NBDY: variants seen among roughly 807,000 people sequenced by gnomAD.
NBDY encodes the protein negative regulator of P-body association, also known as P-body dissociating protein.
chrX:56,788,267 A>G (rs2069741337), intron 2 of NBDY, among the ~76,000 whole-genome samples: 1 of 112,545 alleles, frequency 8.9e-6, no homozygotes, highest in Non-Finnish European at 1.9e-5. Flanking sequence ...ACATGGGAGA[A>G]GGCAGAGACC....
At chrX:56,763,924 G>A (rs759835207) in intron 2 of NBDY, among the ~76,000 whole-genome samples, 1 of 112,673 alleles carries the variant, frequency 8.9e-6, no homozygotes, top group African/African-American at 3.2e-5. Flanking sequence ...CGTTTGTGGA[G>A]CCATACTGCC....
chrX:56,755,083 C>A (rs1047483002), intron 2 of NBDY, among the ~76,000 whole-genome samples: 3 of 111,276 alleles, frequency 2.7e-5, no homozygotes, highest in African/African-American at 6.6e-5. Context: ...AACTGGCTAG[C>A]CATATGTAGA....
intron 2 of NBDY, among the ~76,000 whole-genome samples, chrX:56,811,419 G>A (rs2069886032): frequency 8.9e-6 from 1 of 112,291 alleles, no homozygotes; most frequent in Non-Finnish European, 1.9e-5. Flanking sequence ...GTCCCTGACT[G>A]GAACTGCTGC....
chrX:56,798,974 G>A (rs1336508324), intron 2 of NBDY, among the ~76,000 whole-genome samples: 5 of 112,227 alleles, frequency 4.5e-5, no homozygotes, highest in African/African-American at 6.5e-5. Context: ...GGCGTTTGTG[G>A]AGCCATAGTG....
intron 2 of NBDY, among the ~76,000 whole-genome samples, chrX:56,751,455 A>C (rs1307051167): frequency 1.8e-5 from 2 of 112,168 alleles, no homozygotes; most frequent in Non-Finnish European, 3.8e-5. Flanking sequence ...GTTGATTAGG[A>C]ATTTTAAAAA....
At chrX:56,815,163 A>C (rs1335907402) in intron 2 of NBDY, among the ~76,000 whole-genome samples, 1 of 111,847 alleles carries the variant, frequency 8.9e-6, no homozygotes, top group Non-Finnish European at 1.9e-5. Flanking sequence ...CTCTTTGATA[A>C]TGAAAATATT....
chrX:56,811,901 G>C (rs1398327392), intron 2 of NBDY, among the ~76,000 whole-genome samples: 1 of 112,270 alleles, frequency 8.9e-6, no homozygotes, highest in African/African-American at 3.2e-5. Flanking sequence ...GGGCACTGGA[G>C]TGAATCTCCT....
At chrX:56,797,841 CCCA>C (rs1437253993) in intron 2 of NBDY, among the ~76,000 whole-genome samples, 1 of 111,583 alleles carries the variant, frequency 9.0e-6, no homozygotes, top group African/African-American at 3.3e-5. Flanking sequence ...CACAAGAAAC[CCCA>C]CAACCAGAAA....
rs778878513 is a variant in NBDY at position 56,818,123 on chromosome X, TA to T, written c.*977del. The T allele has an allele frequency of 5.4e-5, 6 of 111,321 alleles. No homozygotes were observed. Among genetic ancestry groups the T allele is most frequent in the African/African-American group, 1.9e-4 (6 of 30,802 alleles). 9.2% of individuals were successfully genotyped at this position (111,321 alleles called of 1,213,427 possible). A position where few individuals can be genotyped will look rare whatever the true frequency, so the allele number is the denominator to read the frequency against. On this transcript the variant is annotated 3_prime_UTR_variant, in exon 3 of 3. Coordinates refer to ENST00000374922, the MANE Select transcript of NBDY (RefSeq NM_001348129.2). ...TAGACTATAATAATTTCCAGGGATA[TA>T]AAAAAATAAAGCTTCTACCTTTGAA... is the stretch of plus-strand genomic sequence containing the variant.
intron 2 of NBDY, among the ~76,000 whole-genome samples, chrX:56,753,618 G>A (rs981182058): frequency 9.0e-6 from 1 of 111,355 alleles, no homozygotes; most frequent in Non-Finnish European, 1.9e-5. Flanking sequence ...AGAGGAAGTG[G>A]GTCCTGGAAA....
chrX:56,732,148 A>G lies in NBDY; in HGVS notation c.*115A>G, dbSNP rs1459047714. ...GTGAAAACAATGAAGATTATTTACA[A>G]TGCTACCCTGCTTTTTCTGGTGTCC... On this transcript the variant is annotated 3_prime_UTR_variant, in exon 2 of 3. Coordinates refer to ENST00000374922, the MANE Select transcript of NBDY (RefSeq NM_001348129.2). The G allele has an allele frequency of 6.8e-6, 2 of 295,019 alleles. No individual in the cohort carries two copies. The highest frequency in any genetic ancestry group is 5.9e-6 in the Non-Finnish European group (1 of 169,726). 24.3% of individuals were successfully genotyped at this position (295,019 alleles called of 1,213,427 possible). A position where few individuals can be genotyped will look rare whatever the true frequency, so the allele number is the denominator to read the frequency against.
chrX:56,741,438 T>C (rs940139278), intron 2 of NBDY, among the ~76,000 whole-genome samples: 2 of 112,005 alleles, frequency 1.8e-5, no homozygotes, highest in Non-Finnish European at 3.8e-5. Context: ...ATTGTGGTTG[T>C]ACTAATTTAC....
intron 2 of NBDY, among the ~76,000 whole-genome samples, chrX:56,748,632 G>A: frequency 9.3e-6 from 1 of 107,222 alleles, no homozygotes; most frequent in African/African-American, 3.4e-5. Flanking sequence ...ATAGGATGAG[G>A]GGGAAACCTG....
At chrX:56,809,231 G>A (rs1348834487) in intron 2 of NBDY, among the ~76,000 whole-genome samples, 2 of 111,971 alleles carry the variant, frequency 1.8e-5, no homozygotes, top group African/African-American at 3.3e-5. Context: ...TGTATATTTT[G>A]TTGATTTGGG....
chrX:56,763,183 T>G (rs2069646932), intron 2 of NBDY, among the ~76,000 whole-genome samples: 1 of 112,591 alleles, frequency 8.9e-6, no homozygotes, highest in South Asian at 3.7e-4. Flanking sequence ...TGGAGCATCC[T>G]GGGTCAAGCT....
chrX:56,756,454 G>C (rs1297097434), intron 2 of NBDY, among the ~76,000 whole-genome samples: 3 of 100,779 alleles, frequency 3.0e-5, no homozygotes, highest in Non-Finnish European at 6.1e-5. Flanking sequence ...AAAAAAAAAA[G>C]TAACACAATT....
chrX:56,744,526 C>CA (rs1043924461), intron 2 of NBDY, among the ~76,000 whole-genome samples: 2 of 110,767 alleles, frequency 1.8e-5, no homozygotes, highest in African/African-American at 3.3e-5. Flanking sequence ...AATGTTCTGC[C>CA]AAAAAATCAA....
At chrX:56,745,316 TG>T (rs2146716197) in intron 2 of NBDY, among the ~76,000 whole-genome samples, 1 of 110,951 alleles carries the variant, frequency 9.0e-6, no homozygotes, top group South Asian at 3.9e-4. Flanking sequence ...CAGTTAATCA[TG>T]GGTAACTGAA....
At chrX:56,749,803 C>T (rs2069575366) in intron 2 of NBDY, among the ~76,000 whole-genome samples, 1 of 110,056 alleles carries the variant, frequency 9.1e-6, no homozygotes, top group Non-Finnish European at 1.9e-5. Flanking sequence ...AGGCACATGC[C>T]GTCATGCCCA....
Sources: allele counts gnomAD v4.1 joint callset (sites outside exome capture counted in the v4.1 genomes callset), GRCh38; gene constraint gnomAD v4.1.1; transcripts MANE v1.5; gene names NCBI Gene and HGNC (gene_info 2026-07-23, HGNC 2026-07-21).